The following PRMT2 variants were observed in gnomAD, a reference collection of about 807,000 sequenced individuals.
The protein encoded by PRMT2 is protein arginine methyltransferase 2.
A neutral mutation model predicts 57.6 loss-of-function variants in PRMT2; 26 were observed. The ratio of observed to expected loss-of-function variants is 0.45; its 90% CI spans 0.33 to 0.63. The LOEUF is 0.63. Among genes scored for constraint, PRMT2 ranks in the 20% least tolerant of loss-of-function variants. PRMT2 has a pLI of 0.02. For synonymous variants in PRMT2, 219 were observed against 220.0 expected (o/e 1.00, Z 0.04); for missense variants, 472 against 564.4 (o/e 0.84, Z 1.66).
At chr21:46,658,711 A>G in intron 7 of PRMT2, 34 bp from the exon 8 acceptor site, 1 of 1,607,546 alleles carries the variant, frequency 6.2e-7, no homozygotes, top group Non-Finnish European at 8.5e-7. Flanking sequence ...GGGGCCTGTG[A>G]TGTGTCTCCT....
At chr21:46,660,725 A>C in intron 8 of PRMT2, 108 bp from the exon 9 acceptor site, 1 of 1,402,048 alleles carries the variant, frequency 7.1e-7, no homozygotes, top group Admixed American at 2.1e-5. Context: ...GTGGCTTAGC[A>C]TCCTGGTGAC....
intron 3 of PRMT2, among the ~76,000 whole-genome samples, chr21:46,638,142 TTGTG>T (rs1202983190): frequency 6.6e-6 from 1 of 152,202 alleles, no homozygotes; most frequent in African/African-American, 2.4e-5. Flanking sequence ...ATGATATTGT[TTGTG>T]TGGGCTTTTT....
intron 7 of PRMT2, chr21:46,653,716 C>T: frequency 8.0e-7 from 1 of 1,253,458 alleles, no homozygotes; most frequent in Admixed American, 2.9e-5. Context: ...TGCCCACACG[C>T]ACACACACAA....
In PRMT2 at chr21:46,649,367, G is replaced by T; in HGVS notation, c.490-208G>T. Reference sequence around the variant, plus strand: ...TGCGTCTGTGTCTTGTCCGGGAGGTGGGGGCAGTTGGGAGGGTTAGAGGCG... The same window carrying T: ...TGCGTCTGTGTCTTGTCCGGGAGGTTGGGGCAGTTGGGAGGGTTAGAGGCG... On this transcript the variant is annotated intron_variant, in intron 6 of 11. Coordinates refer to ENST00000355680, the MANE Select transcript of PRMT2 (RefSeq NM_206962.4). This position sits in a 1 kb window ranked among gnomAD's most constrained non-coding sequence, Gnocchi z 4.8. The T allele has an allele frequency of 1.4e-6, 1 of 724,212 alleles. No individual in the cohort carries two copies. Among genetic ancestry groups the T allele is most frequent in the South Asian group, 1.6e-5 (1 of 63,270 alleles). The allele number at this position is 724,212 out of a possible 1,614,324, so 44.9% of individuals were successfully genotyped here. A position where few individuals can be genotyped will look rare whatever the true frequency, so the allele number is the denominator to read the frequency against.
Position 46,649,537 on chromosome 21 carries a change from C to T in PRMT2, c.490-38C>T, listed in dbSNP as rs759213170. On this transcript the variant is annotated intron_variant, in intron 6 of 11. Transcript: ENST00000355680. This position sits in a 1 kb window ranked among gnomAD's most constrained non-coding sequence, Gnocchi z 4.8. ...GGAGAGTAGATGACGGGCCGTGTGCCGGCCGGATGTACGCTGACGGTGCCT... is the reference window on the plus strand; with the variant it reads ...GGAGAGTAGATGACGGGCCGTGTGCTGGCCGGATGTACGCTGACGGTGCCT... The T allele has an allele frequency of 1.6e-5, 26 of 1,613,334 alleles. No homozygotes were observed. Among genetic ancestry groups the T allele is most frequent in the African/African-American group, 6.7e-5 (5 of 74,910 alleles).
intron 3 of PRMT2, among the ~76,000 whole-genome samples, chr21:46,637,818 T>C (rs1307983893): frequency 1.3e-5 from 2 of 152,062 alleles, no homozygotes; most frequent in Non-Finnish European, 2.9e-5. Context: ...TAAAAAATAC[T>C]GTCGGGTGTG....
chr21:46,637,516 C>T (rs1441388605), intron 3 of PRMT2, among the ~76,000 whole-genome samples: 1 of 152,106 alleles, frequency 6.6e-6, no homozygotes, highest in Non-Finnish European at 1.5e-5. Flanking sequence ...TCTGTTATGT[C>T]AATTTTAATG....
At chr21:46,638,524 A>G (rs972020900) in intron 3 of PRMT2, among the ~76,000 whole-genome samples, 5 of 152,204 alleles carry the variant, frequency 3.3e-5, no homozygotes, top group African/African-American at 1.2e-4. Flanking sequence ...TGCAAGTTTC[A>G]GTTTTACTGG....
rs763138109 is a variant in PRMT2 at position 46,636,991 on chromosome 21, GT to G, written c.39+2del. On this transcript the variant is annotated splice_donor_variant, in intron 3 of 11. Transcript: ENST00000355680. LOFTEE classifies it high-confidence loss of function. ...TGACTGTCCCAGAAGTGAATCGCAG[GT>G]AATTTCCGTTCCACTTCCTAAAAAT... 12 of 1,613,710 alleles carry G rather than the reference GT, an allele frequency of 7.4e-6. No homozygotes were observed. Among genetic ancestry groups the G allele is most frequent in the Non-Finnish European group, 1.0e-5 (12 of 1,179,826 alleles).
At position 46,664,655 on chromosome 21, in the gene PRMT2, A is replaced by G. The variant is rs757260295; in HGVS notation, c.*328A>G. ...GTTCCTAAGCTAGGTCTAGGTCTAC[A>G]CTCCTAGGACGCACGCATATCAGCC... On this transcript the variant is annotated 3_prime_UTR_variant, in exon 12 of 12. Coordinates refer to ENST00000355680, the MANE Select transcript of PRMT2 (RefSeq NM_206962.4). 11 of 407,078 alleles carry G rather than the reference A, an allele frequency of 2.7e-5. No homozygotes were observed. Among genetic ancestry groups the G allele is most frequent in the South Asian group, 2.1e-4 (7 of 32,728 alleles). The allele number at this position is 407,078 out of a possible 1,614,324, so 25.2% of individuals were successfully genotyped here. A position where few individuals can be genotyped will look rare whatever the true frequency, so the allele number is the denominator to read the frequency against.
chr21:46,661,963 G>T (rs1378390767), intron 10 of PRMT2, 27 bp downstream of exon 10: 1 of 1,173,918 alleles, frequency 8.5e-7, no homozygotes, highest in Non-Finnish European at 1.1e-6. Context: ...CGGGCACGGG[G>T]TGCGGGGTGG....
intron 3 of PRMT2, among the ~76,000 whole-genome samples, 187 bp downstream of exon 3, chr21:46,637,177 C>T (rs1223488079): frequency 6.6e-6 from 1 of 152,196 alleles, no homozygotes; most frequent in Non-Finnish European, 1.5e-5. Flanking sequence ...TGACATCCTG[C>T]ATTGGGCACC....
chr21:46,636,941 C>CT lies in PRMT2; in HGVS notation c.-10dup. ...TAAATCAGCAGTTATGAGGCAGAGC[C>CT]TAAGAGAACTATGGCAACATCAGGT... On this transcript the variant is annotated 5_prime_UTR_variant, in exon 3 of 12. Transcript: ENST00000355680. 6.2e-7 allele frequency: 1 copy of CT among 1,612,876 alleles called. No individual in the cohort carries two copies. The highest frequency in any genetic ancestry group is 8.5e-7 in the Non-Finnish European group (1 of 1,179,532).
intron 10 of PRMT2, 106 bp downstream of exon 10, chr21:46,662,042 G>C (rs1315016795): frequency 7.6e-6 from 2 of 262,290 alleles, no homozygotes; most frequent in Non-Finnish European, 1.4e-5. Flanking sequence ...CGTGGCGGTC[G>C]TGGGGGGGTG....
intron 3 of PRMT2, among the ~76,000 whole-genome samples, chr21:46,638,376 A>G (rs1482920309): frequency 2.0e-5 from 3 of 152,246 alleles, no homozygotes; most frequent in African/African-American, 7.2e-5. Flanking sequence ...CACAGTAGGC[A>G]TATACCCCAT....
intron 10 of PRMT2, 98 bp from the exon 11 acceptor site, chr21:46,663,285 G>GGGGGCGAGAGCC: frequency 8.1e-7 from 1 of 1,230,386 alleles, no homozygotes; most frequent in Non-Finnish European, 1.1e-6. Context: ...GGGTGCTGTT[G>GGGGGCGAGAGCC]GGGGCGAGAG....
intron 5 of PRMT2, among the ~76,000 whole-genome samples, chr21:46,647,493 T>C (rs1170003467): frequency 6.6e-6 from 1 of 152,200 alleles, no homozygotes; most frequent in Non-Finnish European, 1.5e-5. Context: ...TGTGTTATTT[T>C]ATTTTTGTTT....
chr21:46,661,658 G>A (rs1404733300), intron 9 of PRMT2, 142 bp from the exon 10 acceptor site: 7 of 797,968 alleles, frequency 8.8e-6, no homozygotes, highest in Non-Finnish European at 1.2e-5. Context: ...GGTTTTGGGG[G>A]TGGTTTCCCC....
At chr21:46,641,887 T>C (rs752088892) in intron 3 of PRMT2, among the ~76,000 whole-genome samples, 60 of 151,884 alleles carry the variant, frequency 4.0e-4, no homozygotes, top group Non-Finnish European at 3.7e-4. Flanking sequence ...AGTGCTGCCT[T>C]AGAGTGAGTC....
Sources: allele counts gnomAD v4.1 joint callset (sites outside exome capture counted in the v4.1 genomes callset), GRCh38; gene constraint gnomAD v4.1.1; non-coding constraint Gnocchi (gnomAD v3.1); transcripts MANE v1.5; gene names NCBI Gene and HGNC (gene_info 2026-07-23, HGNC 2026-07-21).